ITGA8: variants seen among roughly 807,000 people sequenced by gnomAD.
The protein encoded by ITGA8 is integrin alpha-8.
A neutral mutation model predicts 142.3 loss-of-function variants in ITGA8; 91 were observed. The observed-to-expected ratio is 0.64, with a 90% CI of 0.54 to 0.76. The LOEUF (loss-of-function observed/expected upper bound fraction) is 0.76. Ranked by LOEUF, ITGA8 falls within the 30% of genes least tolerant of loss-of-function variation. ITGA8 has a pLI of 0.00. For synonymous variants in ITGA8, 505 were observed against 485.2 expected, an observed-to-expected ratio of 1.04 and a Z score of -0.54; for missense variants, 1,406 against 1,327.7, an observed-to-expected ratio of 1.06 and a Z score of -0.92.
intron 13 of ITGA8, among the ~76,000 whole-genome samples, chr10:15,627,376 C>T (rs1026002180): frequency 6.6e-6 from 1 of 152,204 alleles, no homozygotes; most frequent in African/African-American, 2.4e-5. Context: ...TCACCTGCTT[C>T]ACTCTTTAGT....
At chr10:15,652,742 A>T (rs1834111065) in intron 11 of ITGA8, among the ~76,000 whole-genome samples, 1 of 152,222 alleles carries the variant, frequency 6.6e-6, no homozygotes, top group Non-Finnish European at 1.5e-5. Flanking sequence ...TATAACTTCG[A>T]AATACATGCA....
Position 15,605,733 on chromosome 10 carries a change from G to A in ITGA8, c.1961C>T (p.Ser654Leu), listed in dbSNP as rs150148399. 9.2e-5 allele frequency: 149 copies of A among 1,612,696 alleles called. 2 individuals are homozygous for A. In the South Asian group the frequency reaches 1.4e-3, roughly 15 times the overall value. ...DNLCVPDLKL[S>L]ARPDKHQVII... ...AGTTATTTAAACTTACGGTCTAGCC[G>A]ACAGCTTCAAGTCAGGAACACACAG... The change falls in exon 19 of 30, where the codon TCG (serine) becomes TTG (leucine). Residue 654 changes from serine to leucine, a missense_variant. Ser to Leu is a moderately radical substitution (Grantham distance 145). Coordinates refer to ENST00000378076, the MANE Select transcript of ITGA8 (RefSeq NM_003638.3).
At chr10:15,582,817 G>C (rs1339131117) in intron 23 of ITGA8, among the ~76,000 whole-genome samples, 1 of 152,244 alleles carries the variant, frequency 6.6e-6, no homozygotes, top group Non-Finnish European at 1.5e-5. Flanking sequence ...TCTCATGCAT[G>C]GTTGGTGGGA....
At position 15,698,171 on chromosome 10, in the gene ITGA8, A is replaced by C. The variant is rs539837218; in HGVS notation, c.344-10133T>G. Among the ~76,000 whole-genome samples the C allele has an allele frequency of 1.5e-3, 227 of 152,212 alleles. 1 individual carries two copies. Among genetic ancestry groups the C allele is most frequent in the African/African-American group, 5.4e-3 (223 of 41,532 alleles). ...GAGAACATACAATGTTTGGTTTTCC[A>C]TTTCTGACTTACTTCACTCAGAATA... On this transcript the variant is annotated intron_variant, in intron 2 of 29. Transcript: ENST00000378076.
chr10:15,644,476 AT>A (rs1564388954), intron 12 of ITGA8, among the ~76,000 whole-genome samples: 389 of 14,356 alleles, frequency 0.027, 38 homozygotes, highest in East Asian at 0.16. Context: ...ATATATATAT[AT>A]ATATATATAT....
At chr10:15,597,766 C>G (rs193180044) in intron 20 of ITGA8, among the ~76,000 whole-genome samples, 1 of 152,232 alleles carries the variant, frequency 6.6e-6, no homozygotes, top group East Asian at 1.9e-4. Flanking sequence ...ACCATGGTCC[C>G]GTTTTGAGAT....
intron 22 of ITGA8, among the ~76,000 whole-genome samples, chr10:15,589,150 C>T (rs1046797747): frequency 6.6e-6 from 1 of 152,248 alleles, no homozygotes; most frequent in Admixed American, 6.5e-5. Flanking sequence ...TTCCTCTCTA[C>T]AACTGCACCC....
chr10:15,533,089 A>C (rs1179042325), intron 27 of ITGA8, among the ~76,000 whole-genome samples: 3 of 152,156 alleles, frequency 2.0e-5, no homozygotes, highest in Non-Finnish European at 4.4e-5. Context: ...CCAGTACATC[A>C]CTGTCTATAA....
At chr10:15,560,661 T>C (rs976329890) in intron 25 of ITGA8, among the ~76,000 whole-genome samples, 2 of 152,160 alleles carry the variant, frequency 1.3e-5, no homozygotes, top group Admixed American at 6.5e-5. Flanking sequence ...TGAAGCTCCA[T>C]TGGAATTTAG....
chr10:15,586,523 A>G (rs1208677335), intron 23 of ITGA8, 61 bp downstream of exon 23: 1 of 938,696 alleles, frequency 1.1e-6, no homozygotes, highest in East Asian at 2.5e-5. Flanking sequence ...CATTTTCACT[A>G]GTATTTTATC....
chr10:15,523,404 C>A (rs17137275), intron 28 of ITGA8, among the ~76,000 whole-genome samples: 9,625 of 152,160 alleles, frequency 0.063, 768 homozygotes, highest in East Asian at 0.19. Flanking sequence ...AAGCAGAGAA[C>A]AACTTTATAG....
intron 8 of ITGA8, among the ~76,000 whole-genome samples, chr10:15,664,821 C>G (rs1296201777): frequency 6.6e-6 from 1 of 152,062 alleles, no homozygotes; most frequent in Non-Finnish European, 1.5e-5. Flanking sequence ...CCAGTTTCAT[C>G]CATGTCCCTA....
intron 2 of ITGA8, among the ~76,000 whole-genome samples, chr10:15,700,222 T>C (rs1337594525): frequency 6.6e-6 from 1 of 152,156 alleles, no homozygotes; most frequent in African/African-American, 2.4e-5. Context: ...TACTGAGCAA[T>C]CCATTTCTTC....
chr10:15,607,551 C>T (rs1020280377), intron 17 of ITGA8, 126 bp downstream of exon 17: 39 of 877,874 alleles, frequency 4.4e-5, no homozygotes, highest in Non-Finnish European at 6.4e-5. Context: ...ATAAAGTTTC[C>T]TGCTATGAAA....
intron 27 of ITGA8, among the ~76,000 whole-genome samples, chr10:15,536,651 C>A (rs1833444965): frequency 6.6e-6 from 1 of 152,172 alleles, no homozygotes; most frequent in South Asian, 2.1e-4. Context: ...GGTTAATATC[C>A]CTTGGCAACA....
At chr10:15,530,084 C>G (rs566332392) in intron 28 of ITGA8, among the ~76,000 whole-genome samples, 1 of 152,188 alleles carries the variant, frequency 6.6e-6, no homozygotes, top group Non-Finnish European at 1.5e-5. Flanking sequence ...AAGTCTCTGA[C>G]CACCTTCACA....
intron 25 of ITGA8, among the ~76,000 whole-genome samples, chr10:15,566,820 A>T (rs886591924): frequency 1.2e-5 from 1 of 82,972 alleles, no homozygotes; most frequent in African/African-American, 4.7e-5. Flanking sequence ...TTAAAAAAAG[A>T]AAAAAAAAGA....
chr10:15,613,085 T>A (rs1311066475), intron 15 of ITGA8, among the ~76,000 whole-genome samples: 1 of 152,074 alleles, frequency 6.6e-6, no homozygotes, highest in Non-Finnish European at 1.5e-5. Flanking sequence ...CGCTTGGACC[T>A]GGGAGGTGGA....
chr10:15,597,989 C>T (rs1002711810), intron 20 of ITGA8, among the ~76,000 whole-genome samples: 3 of 152,148 alleles, frequency 2.0e-5, no homozygotes, highest in Admixed American at 6.5e-5. Flanking sequence ...TGTTCTGGAA[C>T]AGTTGCCCTT....
Sources: gnomAD v4.1 joint callset for allele counts (sites outside exome capture counted in the v4.1 genomes callset) on GRCh38, gnomAD v4.1.1 for gene constraint, MANE v1.5 for transcripts, NCBI Gene and HGNC (gene_info 2026-07-23, HGNC 2026-07-21) for gene names.